Variants in DHX15 observed in about 807,000 individuals in gnomAD.
The protein encoded by DHX15 is ATP-dependent RNA helicase DHX15.
Under a neutral mutation model 94.4 loss-of-function variants are expected in DHX15, and 11 were observed. The ratio of observed to expected loss-of-function variants is 0.12; its 90% CI spans 0.07 to 0.19. The LOEUF (loss-of-function observed/expected upper bound fraction) is 0.19, where lower values mean the gene tolerates loss of function less well. Among genes scored for constraint, DHX15 ranks in the 10% least tolerant of loss-of-function variants. DHX15 has a pLI of 1.00. For synonymous variants in DHX15, 338 were observed against 329.9 expected, an observed-to-expected ratio of 1.02 and a Z score of -0.27; for missense variants, 304 against 988.5, an observed-to-expected ratio of 0.31 and a Z score of 9.29.
rs2109394345 is a variant in DHX15 at position 24,537,733 on chromosome 4, T to C, written c.1787-560A>G. 6.6e-6 allele frequency: 1 copy of C among 152,338 alleles called. No homozygotes were observed. The highest frequency in any genetic ancestry group is 2.1e-4 in the South Asian group (1 of 4,834). The allele number at this position is 152,338 out of a possible 1,614,324, so 9.4% of individuals were successfully genotyped here. A position where few individuals can be genotyped will look rare whatever the true frequency, so the allele number is the denominator to read the frequency against. On this transcript the variant is annotated intron_variant, in intron 10 of 13. Coordinates refer to ENST00000336812, the MANE Select transcript of DHX15 (RefSeq NM_001358.3). This position sits in a 1 kb window ranked among gnomAD's most constrained non-coding sequence, Gnocchi z 4.7. ...ATTAGCACCGGTGAGCAGAAGCATA[T>C]GTAAACATAAAAATATCAAGAATTC...
At position 24,541,951 on chromosome 4, in the gene DHX15, C is replaced by T. The variant is rs759398717; in HGVS notation, c.1407G>A (p.Arg469=). The change falls in exon 8 of 14, where the codon AGG becomes AGA. Residue 469 remains arginine, a synonymous_variant. Transcript: ENST00000336812. ...GTCTGGTACGTCCAGCTCGACCAGC[C>T]CTTTGCTGAGCTGAAGCTTTACTAA... ...TAISKASAQQ[R]AGRAGRTRPG... The T allele has an allele frequency of 2.5e-6, 4 of 1,612,688 alleles. No individual in the cohort carries two copies. The highest frequency in any genetic ancestry group is 2.2e-5 in the South Asian group (2 of 90,940).
At chr4:24,528,161 A>T in intron 13 of DHX15, 120 bp from the exon 14 acceptor site, 1 of 640,972 alleles carries the variant, frequency 1.6e-6, no homozygotes, top group Non-Finnish European at 2.7e-6. Flanking sequence ...TATGAATTCA[A>T]GTCTCAGAAA....
At chr4:24,583,872 C>G (rs981102458) in intron 1 of DHX15, among the ~76,000 whole-genome samples, 2 of 152,214 alleles carry the variant, frequency 1.3e-5, no homozygotes, top group Admixed American at 6.5e-5. Context: ...GCCGCGCCCC[C>G]ACCCAGGCCC....
At chr4:24,564,693 A>G (rs1227391544) in intron 3 of DHX15, among the ~76,000 whole-genome samples, 1 of 152,228 alleles carries the variant, frequency 6.6e-6, no homozygotes, top group Non-Finnish European at 1.5e-5. Context: ...GTATGTTCTT[A>G]GCAACCATAT....
chr4:24,530,754 T>C (rs1252459638), intron 12 of DHX15: 1 of 152,126 alleles, frequency 6.6e-6, no homozygotes. Flanking sequence ...GTGATACTCA[T>C]CAAAATGGAC....
chr4:24,574,403 C>T (rs1343194658), intron 2 of DHX15, among the ~76,000 whole-genome samples: 6 of 151,990 alleles, frequency 3.9e-5, no homozygotes, highest in Non-Finnish European at 7.4e-5. Context: ...CCCAGATGTG[C>T]TGCAATCCTC....
At chr4:24,567,298 G>T (rs1368994877) in intron 3 of DHX15, among the ~76,000 whole-genome samples, 1 of 152,174 alleles carries the variant, frequency 6.6e-6, no homozygotes, top group Non-Finnish European at 1.5e-5. Context: ...TTACAACCAG[G>T]CTGGGCGTGG....
chr4:24,551,240 CTTA>C (rs1721596913), intron 5 of DHX15, among the ~76,000 whole-genome samples: 6 of 152,220 alleles, frequency 3.9e-5, no homozygotes, highest in Admixed American at 3.9e-4. Context: ...ATGTAAAACG[CTTA>C]TTATACACTA....
intron 9 of DHX15, 21 bp from the exon 10 acceptor site, chr4:24,540,320 A>T (rs567060089): frequency 6.3e-7 from 1 of 1,594,692 alleles, no homozygotes; most frequent in East Asian, 2.2e-5. Context: ...AAGACAATCT[A>T]TTAGACACGG....
intron 11 of DHX15, among the ~76,000 whole-genome samples, chr4:24,534,838 A>G (rs1007684243): frequency 6.6e-6 from 1 of 152,186 alleles, no homozygotes; most frequent in African/African-American, 2.4e-5. Flanking sequence ...TCAATGTTTC[A>G]ATTAATAACA....
intron 12 of DHX15, chr4:24,529,994 T>C (rs1577330283): frequency 1.8e-6 from 1 of 564,514 alleles, no homozygotes; most frequent in Admixed American, 3.4e-5. Context: ...AAATGGTTTA[T>C]TTATCTTTAA....
intron 5 of DHX15, among the ~76,000 whole-genome samples, chr4:24,552,698 C>T (rs944191726): frequency 1.3e-5 from 2 of 152,110 alleles, no homozygotes; most frequent in African/African-American, 4.8e-5. Flanking sequence ...GTAAACAAAA[C>T]GTTAGGTTTT....
At chr4:24,536,970 A>C in intron 11 of DHX15, 81 bp downstream of exon 11, 2 of 1,440,490 alleles carry the variant, frequency 1.4e-6, no homozygotes, top group Middle Eastern at 2.4e-4. Context: ...ACGGATAATA[A>C]ATCAAAGTGG....
At chr4:24,541,849 G>T in intron 8 of DHX15, 24 bp downstream of exon 8, 1 of 1,523,206 alleles carries the variant, frequency 6.6e-7, no homozygotes, top group Non-Finnish European at 8.9e-7. Flanking sequence ...AAACATATCG[G>T]CAGGAAACGA....
chr4:24,545,003 G>A lies in DHX15; in HGVS notation c.1249-1977C>T, dbSNP rs535367572. 3.9e-5 allele frequency among the ~76,000 whole-genome samples: 6 copies of A among 152,176 alleles called. No individual in the cohort carries two copies. The South Asian group carries it at 6.2e-4, about 16-fold the overall frequency. ...GCACATGCTTGTAGTCCCAGCTACCGAGGAGGCTAAGGTGGGAGGACTGCT... is the reference window on the plus strand; with the variant it reads ...GCACATGCTTGTAGTCCCAGCTACCAAGGAGGCTAAGGTGGGAGGACTGCT... On this transcript the variant is annotated intron_variant, in intron 6 of 13. Transcript: ENST00000336812.
chr4:24,540,773 G>A, intron 9 of DHX15, 67 bp downstream of exon 9: 1 of 855,084 alleles, frequency 1.2e-6, no homozygotes, highest in Non-Finnish European at 1.9e-6. Flanking sequence ...TAAATAGGAT[G>A]GAGAAAAACA....
intron 10 of DHX15, among the ~76,000 whole-genome samples, chr4:24,539,390 A>G (rs1721260395): frequency 6.6e-6 from 1 of 152,166 alleles, no homozygotes; most frequent in South Asian, 2.1e-4. Context: ...TTGTTTCTTA[A>G]CAATATTTCT....
At chr4:24,539,602 A>T (rs1441171061) in intron 10 of DHX15, 2 of 152,142 alleles carry the variant, frequency 1.3e-5, no homozygotes, top group African/African-American at 4.8e-5. Flanking sequence ...TTAAGCCTAA[A>T]ATTATACATT....
At chr4:24,552,840 A>C (rs2109405462) in intron 5 of DHX15, among the ~76,000 whole-genome samples, 1 of 152,344 alleles carries the variant, frequency 6.6e-6, no homozygotes, top group Middle Eastern at 3.4e-3. Flanking sequence ...ACTCTAGCAT[A>C]CATCTGAAAA....
Sources: allele counts gnomAD v4.1 joint callset (sites outside exome capture counted in the v4.1 genomes callset), GRCh38; gene constraint gnomAD v4.1.1; non-coding constraint Gnocchi (gnomAD v3.1); transcripts MANE v1.5; gene names NCBI Gene and HGNC (gene_info 2026-07-23, HGNC 2026-07-21).